PPP4R3B: variants seen among roughly 807,000 people sequenced by gnomAD.
PPP4R3B encodes protein phosphatase 4 regulatory subunit 3B.
A neutral mutation model predicts 95.4 loss-of-function variants in PPP4R3B; 52 were observed. The ratio of observed to expected loss-of-function variants is 0.54; its 90% CI spans 0.44 to 0.69. The LOEUF (loss-of-function observed/expected upper bound fraction) is 0.69, where lower values mean the gene tolerates loss of function less well. Among genes scored for constraint, PPP4R3B ranks in the 30% least tolerant of loss-of-function variants. PPP4R3B has a pLI of 0.00. For synonymous variants in PPP4R3B, 407 were observed against 343.9 expected (o/e 1.18, Z -2.03); for missense variants, 1,003 against 1,005.9 (o/e 1.00, Z 0.04).
intron 12 of PPP4R3B, among the ~76,000 whole-genome samples, chr2:55,572,041 T>C (rs1193534295): frequency 6.6e-6 from 1 of 152,252 alleles, no homozygotes; most frequent in African/African-American, 2.4e-5. Context: ...AGGAAAGGTA[T>C]GGTTGCCTTA....
intron 7 of PPP4R3B, among the ~76,000 whole-genome samples, chr2:55,583,332 A>C (rs1161114854): frequency 6.6e-6 from 1 of 152,164 alleles, no homozygotes; most frequent in Non-Finnish European, 1.5e-5. Flanking sequence ...GCTCTCAGAA[A>C]ATTCAGGAAA....
At position 55,598,755 on chromosome 2, in the gene PPP4R3B, C is replaced by T; in HGVS notation, c.582G>A (p.Leu194=). ...ATAAGATTCCTCTAATAATTTCATA[C>T]AAATGGTGTAAGCCTTCAGTGTTTT... ...NLENTEGLHH[L]YEIIRGILFL... The change falls in exon 4 of 17, where the codon TTG becomes TTA. Residue 194 remains leucine, a synonymous_variant. Transcript: ENST00000616407. The T allele has an allele frequency of 1.2e-6, 2 of 1,614,206 alleles. No homozygotes were observed. The highest frequency in any genetic ancestry group is 2.2e-5 in the South Asian group (2 of 91,080).
intron 8 of PPP4R3B, among the ~76,000 whole-genome samples, chr2:55,580,965 T>A (rs1574789419): frequency 6.6e-6 from 1 of 152,132 alleles, no homozygotes; most frequent in East Asian, 1.9e-4. Context: ...TATTTAAAAA[T>A]GTATTGGCCG....
chr2:55,573,560 G>T, intron 12 of PPP4R3B, 59 bp downstream of exon 12: 4 of 1,417,318 alleles, frequency 2.8e-6, no homozygotes, highest in Non-Finnish European at 2.8e-6. Context: ...AACTTCAAAT[G>T]GGTAACTTCA....
At chr2:55,580,740 C>T (rs920865006) in intron 8 of PPP4R3B, among the ~76,000 whole-genome samples, 2 of 152,046 alleles carry the variant, frequency 1.3e-5, no homozygotes, top group African/African-American at 2.4e-5. Context: ...GATTTAAAAA[C>T]GATGTATATA....
At position 55,586,914 on chromosome 2, in the gene PPP4R3B, C is replaced by T. The variant is rs532156915; in HGVS notation, c.1000-180G>A. Among the ~76,000 whole-genome samples the T allele has an allele frequency of 3.3e-5, 5 of 152,226 alleles. No homozygotes were observed. In the South Asian group the frequency reaches 8.3e-4, roughly 25 times the overall value. On this transcript the variant is annotated intron_variant, in intron 5 of 16. Coordinates refer to ENST00000616407, the MANE Select transcript of PPP4R3B (RefSeq NM_001122964.3). ...AACTAGCACCCCATTAAAAGTAAACCTTGCATTACTGGGTGCTATTAAGCA... is the reference window on the plus strand; with the variant it reads ...AACTAGCACCCCATTAAAAGTAAACTTTGCATTACTGGGTGCTATTAAGCA...
intron 12 of PPP4R3B, among the ~76,000 whole-genome samples, chr2:55,572,492 G>GA (rs1011986918): frequency 1.2e-4 from 18 of 152,114 alleles, no homozygotes; most frequent in African/African-American, 3.4e-4. Flanking sequence ...TGCTGTCAGG[G>GA]AAAATGCAAA....
At chr2:55,591,116 T>C (rs570028317) in intron 4 of PPP4R3B, among the ~76,000 whole-genome samples, 1 of 152,060 alleles carries the variant, frequency 6.6e-6, no homozygotes, top group Admixed American at 6.5e-5. Flanking sequence ...ATATGTAATC[T>C]TTTATTTAGC....
At chr2:55,551,753 A>AAAATAAATAAAT (rs34049444) in intron 16 of PPP4R3B, among the ~76,000 whole-genome samples, 53 of 151,272 alleles carry the variant, frequency 3.5e-4, no homozygotes, top group African/African-American at 1.0e-3. Context: ...CTCCATCTCA[A>AAAATAAATAAAT]AAATAAATAA....
At chr2:55,602,618 G>A (rs1692782471) in intron 3 of PPP4R3B, among the ~76,000 whole-genome samples, 1 of 152,154 alleles carries the variant, frequency 6.6e-6, no homozygotes, top group African/African-American at 2.4e-5. Context: ...TGGACACGAA[G>A]GTTTGGGTAA....
intron 6 of PPP4R3B, among the ~76,000 whole-genome samples, chr2:55,586,033 A>G (rs993396002): frequency 6.6e-6 from 1 of 151,154 alleles, no homozygotes; most frequent in African/African-American, 2.4e-5. Flanking sequence ...GATTAGCAGG[A>G]AAAAAAAAGT....
chr2:55,596,701 G>A (rs1691823371), intron 4 of PPP4R3B, among the ~76,000 whole-genome samples: 1 of 152,222 alleles, frequency 6.6e-6, no homozygotes, highest in African/African-American at 2.4e-5. Flanking sequence ...AGTGGCTCAC[G>A]CCTGTAATCC....
Position 55,558,928 on chromosome 2 carries a change from T to G in PPP4R3B, c.2301A>C (p.Thr767=), listed in dbSNP as rs144632837. ...SEDKENLPKR[T]SPGGFKFTFS... is the part of the protein sequence containing the mutation. Reference sequence around the variant, plus strand: ...AAGTAAATTTGAAGCCACCAGGAGATGTCCTTTTGGGAAGGTTTTCCTTGT... The same window carrying G: ...AAGTAAATTTGAAGCCACCAGGAGAGGTCCTTTTGGGAAGGTTTTCCTTGT... Residue 767 remains threonine, a synonymous_variant, in exon 16 of 17, where the codon ACA becomes ACC. Transcript: ENST00000616407. 422 of 1,612,610 alleles carry G rather than the reference T, an allele frequency of 2.6e-4. No individual in the cohort carries two copies. Among genetic ancestry groups the G allele is most frequent in the Non-Finnish European group, 3.5e-4 (410 of 1,179,462 alleles).
At chr2:55,554,306 G>A (rs978713236) in intron 16 of PPP4R3B, among the ~76,000 whole-genome samples, 2 of 152,090 alleles carry the variant, frequency 1.3e-5, no homozygotes, top group African/African-American at 2.4e-5. Context: ...CTCCTGCCTC[G>A]GCCTCCCAAA....
intron 2 of PPP4R3B, among the ~76,000 whole-genome samples, chr2:55,605,855 G>A (rs1446456867): frequency 6.8e-6 from 1 of 146,434 alleles, no homozygotes; most frequent in East Asian, 2.0e-4. Context: ...GCAGTGAGCC[G>A]AGATCAAGCC....
chr2:55,556,444 T>C (rs960500359), intron 16 of PPP4R3B, among the ~76,000 whole-genome samples: 3 of 152,012 alleles, frequency 2.0e-5, no homozygotes, highest in African/African-American at 7.2e-5. Context: ...ACAAAATGAA[T>C]AGTAGGATAT....
chr2:55,596,983 A>G (rs1253846296), intron 4 of PPP4R3B, among the ~76,000 whole-genome samples: 2 of 152,294 alleles, frequency 1.3e-5, no homozygotes, highest in Non-Finnish European at 2.9e-5. Context: ...AATAATAAAA[A>G]ATAGCTGCAT....
chr2:55,613,141 A>G (rs1166297346), intron 2 of PPP4R3B, among the ~76,000 whole-genome samples: 3 of 152,130 alleles, frequency 2.0e-5, no homozygotes, highest in African/African-American at 7.2e-5. Flanking sequence ...CAAATTGAAG[A>G]TTTGGGTGAA....
intron 16 of PPP4R3B, among the ~76,000 whole-genome samples, chr2:55,555,503 C>T (rs1172513635): frequency 1.3e-5 from 2 of 151,910 alleles, no homozygotes; most frequent in African/African-American, 4.8e-5. Context: ...CACTTAAGAT[C>T]AGGAGTTCCT....
Sources: gnomAD v4.1 joint callset for allele counts (sites outside exome capture counted in the v4.1 genomes callset) on GRCh38, gnomAD v4.1.1 for gene constraint, MANE v1.5 for transcripts, NCBI Gene and HGNC (gene_info 2026-07-23, HGNC 2026-07-21) for gene names.